TOLLIP: variants seen among roughly 807,000 people sequenced by gnomAD.
TOLLIP encodes toll interacting protein.
TOLLIP carries 16 observed loss-of-function variants against 33.5 expected under a neutral mutation model. The observed-to-expected ratio is 0.48, with a 90% CI of 0.32 to 0.72. The LOEUF is 0.72. Ranked by LOEUF, TOLLIP falls within the 30% of genes least tolerant of loss-of-function variation. TOLLIP has a pLI of 0.03. For missense variants in TOLLIP, 325 were observed against 396.6 expected, an observed-to-expected ratio of 0.82 and a Z score of 1.53; for synonymous variants, 176 against 163.7, an observed-to-expected ratio of 1.07 and a Z score of -0.57.
rs374648737 is a variant in TOLLIP at position 1,277,230 on chromosome 11, C to G, written c.634G>C (p.Gly212Arg). 12 of 1,579,594 alleles carry G rather than the reference C, an allele frequency of 7.6e-6. No individual in the cohort carries two copies. Among genetic ancestry groups the G allele is most frequent in the Non-Finnish European group, 9.5e-6 (11 of 1,157,858 alleles). The change falls in exon 6 of 6, where the codon GGC (glycine) becomes CGC (arginine). Residue 212 changes from glycine (G) to arginine (R), a missense_variant. Coordinates refer to ENST00000317204, the MANE Select transcript of TOLLIP (RefSeq NM_019009.4). The surrounding 1 kb of genome is among the most constrained non-coding windows in gnomAD (Gnocchi z 4.2). ...ITGMPAVCSP[G>R]MVPVALPPAA... ...GGGGGCAGGGCCACGGGCACCATGC[C>G]GGGGCTACAGACAGCGGGCATCCCT...
intron 5 of TOLLIP, among the ~76,000 whole-genome samples, chr11:1,285,673 C>T (rs572260296): frequency 5.3e-5 from 8 of 151,560 alleles, no homozygotes; most frequent in African/African-American, 1.9e-4. Context: ...CTGACAGGGG[C>T]GTGAGGTTCT....
rs1863276156 is a variant in TOLLIP at position 1,275,732 on chromosome 11, CTT to C, written c.*1305_*1306del. 2 of 152,204 alleles carry C rather than the reference CTT, an allele frequency of 1.3e-5. No individual in the cohort carries two copies. The highest frequency in any genetic ancestry group is 4.1e-4 in the South Asian group (2 of 4,830). 9.4% of individuals were successfully genotyped at this position (152,204 alleles called of 1,614,324 possible). A position where few individuals can be genotyped will look rare whatever the true frequency, so the allele number is the denominator to read the frequency against. ...CAGTATTTTCTAGCTGGCACTGAAA[CTT>C]AACCTATTTTTTTGAGGGAGAAAAA... On this transcript the variant is annotated 3_prime_UTR_variant, in exon 6 of 6. Transcript: ENST00000317204.
At chr11:1,305,864 A>T (rs1864408656) in intron 1 of TOLLIP, 1 of 151,702 alleles carries the variant, frequency 6.6e-6, no homozygotes, top group Non-Finnish European at 1.5e-5. Context: ...CGGTGGCTGC[A>T]GCGGAGTCTC....
At chr11:1,291,454 C>A (rs934272898) in intron 2 of TOLLIP, among the ~76,000 whole-genome samples, 1 of 151,642 alleles carries the variant, frequency 6.6e-6, no homozygotes, top group East Asian at 2.0e-4. Context: ...GCCCCCCGAC[C>A]CCCTCTGAGG....
In TOLLIP at chr11:1,289,351, C is replaced by T. The variant is rs5743963; in HGVS notation, c.367-575G>A. On this transcript the variant is annotated intron_variant, in intron 3 of 5. Transcript: ENST00000317204. Reference sequence around the variant, plus strand: ...TGGCCTGGCTGCCCCACACTGCTCCCCGGCCCCCACCCAGTCTCTAGCCTC... The same window carrying T: ...TGGCCTGGCTGCCCCACACTGCTCCTCGGCCCCCACCCAGTCTCTAGCCTC... 0.023 allele frequency among the ~76,000 whole-genome samples: 3,478 copies of T among 152,334 alleles called. 341 individuals are homozygous for T. In the East Asian group the frequency reaches 0.29, roughly 13 times the overall value.
In TOLLIP at chr11:1,295,753, C is replaced by G. The variant is rs772261080; in HGVS notation, c.75G>C (p.Thr25=). The G allele has an allele frequency of 6.2e-7, 1 of 1,603,084 alleles. No individual in the cohort carries two copies. Among genetic ancestry groups the G allele is most frequent in the Admixed American group, 1.7e-5 (1 of 58,154 alleles). The change falls in exon 2 of 6, where the codon ACG becomes ACC. Residue 25 remains threonine (T), a synonymous_variant. Coordinates refer to ENST00000317204, the MANE Select transcript of TOLLIP (RefSeq NM_019009.4). ...GELPQDFLRI[T]PTQQQRQVQL... Reference sequence around the variant, plus strand: ...GGACCTGCCGCTGCTGCTGTGTGGGCGTGATGCGGAGGAAGTCCTGCGGGA... The same window carrying G: ...GGACCTGCCGCTGCTGCTGTGTGGGGGTGATGCGGAGGAAGTCCTGCGGGA...
intron 5 of TOLLIP, among the ~76,000 whole-genome samples, chr11:1,283,893 C>T (rs183814747): frequency 1.8e-3 from 268 of 152,342 alleles, no homozygotes; most frequent in African/African-American, 6.2e-3. Context: ...TACGGGGCTT[C>T]GACTTCCAGC....
At position 1,290,206 on chromosome 11, in the gene TOLLIP, T is replaced by C; in HGVS notation, c.366+21A>G. On this transcript the variant is annotated intron_variant, in intron 3 of 5. Transcript: ENST00000317204. This position sits in a 1 kb window ranked among gnomAD's most constrained non-coding sequence, Gnocchi z 4.9. ...GCTCAGCCACGTGCAGCCTCCATAATAGCTGGCACGTCCCTCTCACCTCAT... is the reference window on the plus strand; with the variant it reads ...GCTCAGCCACGTGCAGCCTCCATAACAGCTGGCACGTCCCTCTCACCTCAT... The C allele has an allele frequency of 1.2e-6, 2 of 1,608,392 alleles. No homozygotes were observed.
intron 5 of TOLLIP, among the ~76,000 whole-genome samples, chr11:1,283,926 G>A (rs1863590505): frequency 6.6e-6 from 1 of 152,252 alleles, no homozygotes; most frequent in Non-Finnish European, 1.5e-5. Flanking sequence ...GAGGGCCTGG[G>A]TCTCTGTTCT....
chr11:1,282,946 T>C (rs1217933545), intron 5 of TOLLIP, among the ~76,000 whole-genome samples: 2 of 152,010 alleles, frequency 1.3e-5, no homozygotes, highest in South Asian at 2.1e-4. Flanking sequence ...TTAAAATAAA[T>C]AAATAAATAA....
In TOLLIP at chr11:1,286,105, G is replaced by A. The variant is rs5743977; in HGVS notation, c.520-13C>T. On this transcript the variant is annotated splice_polypyrimidine_tract_variant and intron_variant, in intron 4 of 5. Transcript: ENST00000317204. ...CAGCTGGAAGCAGCTGAAACACAGCGGAGATGGTCCCGGGGTCAAGGAGGA... is the reference window on the plus strand; with the variant it reads ...CAGCTGGAAGCAGCTGAAACACAGCAGAGATGGTCCCGGGGTCAAGGAGGA... The A allele has an allele frequency of 5.1e-5, 81 of 1,581,994 alleles. No individual in the cohort carries two copies. In the South Asian group the frequency reaches 6.0e-4, roughly 12 times the overall value.
intron 3 of TOLLIP, 24 bp from the exon 4 acceptor site, chr11:1,288,800 C>A (rs748152746): frequency 1.9e-6 from 3 of 1,605,118 alleles, no homozygotes; most frequent in Non-Finnish European, 1.7e-6. Context: ...GAGGGAGAGG[C>A]CCCAGGCATC....
intron 5 of TOLLIP, among the ~76,000 whole-genome samples, chr11:1,285,705 C>T (rs572176578): frequency 5.3e-5 from 8 of 150,492 alleles, no homozygotes; most frequent in African/African-American, 7.3e-5. Context: ...CTGGGCACAA[C>T]GGGGTTTCAA....
At chr11:1,309,286 G>GCCCGC (rs1206071699) in intron 1 of TOLLIP, among the ~76,000 whole-genome samples, 180 bp downstream of exon 1, 1 of 151,932 alleles carries the variant, frequency 6.6e-6, no homozygotes, top group Admixed American at 6.6e-5. Flanking sequence ...CGTCCGTCCG[G>GCCCGC]CCCGCCCCGC....
At chr11:1,297,237 C>A (rs1864139389) in intron 1 of TOLLIP, among the ~76,000 whole-genome samples, 1 of 152,170 alleles carries the variant, frequency 6.6e-6, no homozygotes, top group South Asian at 2.1e-4. Context: ...GCCATGGACT[C>A]CCAATGACAC....
intron 5 of TOLLIP, chr11:1,283,507 T>G (rs539372242): frequency 1.5e-5 from 7 of 455,830 alleles, no homozygotes; most frequent in African/African-American, 1.4e-4. Flanking sequence ...GGGCGTCAGG[T>G]GGACGAGTCC....
chr11:1,286,249 C>T (rs1384208317), intron 4 of TOLLIP, among the ~76,000 whole-genome samples, 157 bp from the exon 5 acceptor site: 2 of 152,206 alleles, frequency 1.3e-5, no homozygotes, highest in Non-Finnish European at 2.9e-5. Flanking sequence ...GCCCTGAGTG[C>T]ACAGGGGACG....
In TOLLIP at chr11:1,277,596, C is replaced by G. The variant is rs139967607; in HGVS notation, c.611-343G>C. Among the ~76,000 whole-genome samples the G allele has an allele frequency of 3.0e-4, 46 of 152,258 alleles. 1 individual carries two copies. The East Asian group carries it at 8.7e-3, about 29-fold the overall frequency. On this transcript the variant is annotated intron_variant, in intron 5 of 5. Coordinates refer to ENST00000317204, the MANE Select transcript of TOLLIP (RefSeq NM_019009.4). This position sits in a 1 kb window ranked among gnomAD's most constrained non-coding sequence, Gnocchi z 4.2. ...GTGGTGTTTTGATCCCTTCAGAACT[C>G]GTGAATTTGCACTGCACACGCTCGT...
intron 1 of TOLLIP, among the ~76,000 whole-genome samples, chr11:1,300,098 T>A (rs577321334): frequency 1.1e-4 from 16 of 152,364 alleles, no homozygotes; most frequent in African/African-American, 2.9e-4. Context: ...AGAAACTTTT[T>A]AAAAACATTC....
Sources: allele counts gnomAD v4.1 joint callset (sites outside exome capture counted in the v4.1 genomes callset), GRCh38; gene constraint gnomAD v4.1.1; non-coding constraint Gnocchi (gnomAD v3.1); transcripts MANE v1.5; gene names NCBI Gene and HGNC (gene_info 2026-07-23, HGNC 2026-07-21).